Variants in ADCYAP1R1 observed in about 807,000 individuals in gnomAD.
The protein encoded by ADCYAP1R1 is pituitary adenylate cyclase-activating polypeptide type I receptor.
Under a neutral mutation model 67.6 loss-of-function variants are expected in ADCYAP1R1, and 44 were observed. The observed-to-expected ratio is 0.65, with a 90% CI of 0.51 to 0.84. The LOEUF is 0.84. Among genes scored for constraint, ADCYAP1R1 ranks in the 40% least tolerant of loss-of-function variants. ADCYAP1R1 has a pLI of 0.00. For missense variants in ADCYAP1R1, 477 were observed against 587.9 expected, an observed-to-expected ratio of 0.81 and a Z score of 1.95; for synonymous variants, 222 against 219.6, an observed-to-expected ratio of 1.01 and a Z score of -0.10.
In ADCYAP1R1 at chr7:31,098,939, C is replaced by T. The variant is rs370976354; in HGVS notation, c.1047-4298C>T. On this transcript the variant is annotated intron_variant, in intron 13 of 15. Transcript: ENST00000304166. ...TGACCAGCACCGGGAGACTCAGAGC[C>T]ATGTGGTACCTGAGGAGAGTTAGTG... 7.9e-4 allele frequency among the ~76,000 whole-genome samples: 120 copies of T among 152,320 alleles called. 1 individual carries two copies. Among genetic ancestry groups the T allele is most frequent in the African/African-American group, 2.7e-3 (113 of 41,574 alleles).
chr7:31,062,484 T>C (rs1794550772), intron 1 of ADCYAP1R1, among the ~76,000 whole-genome samples: 1 of 152,200 alleles, frequency 6.6e-6, no homozygotes, highest in African/African-American at 2.4e-5. Context: ...CAAAGAGGCC[T>C]TTTAAGGGGG....
chr7:31,092,874 G>C (rs1796023983), intron 13 of ADCYAP1R1, 139 bp downstream of exon 13: 2 of 638,520 alleles, frequency 3.1e-6, no homozygotes, highest in Admixed American at 3.0e-5. Context: ...TCTGATTAAA[G>C]AGCCTTTAAT....
intron 12 of ADCYAP1R1, among the ~76,000 whole-genome samples, chr7:31,092,329 TC>T (rs1320423323): frequency 6.6e-6 from 1 of 151,982 alleles, no homozygotes; most frequent in Non-Finnish European, 1.5e-5. Flanking sequence ...TTACTTTATC[TC>T]TTTTGGGCTG....
intron 1 of ADCYAP1R1, among the ~76,000 whole-genome samples, chr7:31,053,548 C>T (rs1371049910): frequency 6.6e-6 from 1 of 152,178 alleles, no homozygotes; most frequent in Non-Finnish European, 1.5e-5. Flanking sequence ...AGCCGGAAGC[C>T]GATTGCATTT....
intron 13 of ADCYAP1R1, among the ~76,000 whole-genome samples, chr7:31,098,539 T>C (rs922051714): frequency 6.6e-6 from 1 of 152,122 alleles, no homozygotes; most frequent in African/African-American, 2.4e-5. Flanking sequence ...TTGGTGTTGA[T>C]GGTCTGGGGA....
Position 31,086,611 on chromosome 7 carries a change from T to A in ADCYAP1R1, c.823+74T>A, listed in dbSNP as rs1795753079. The stretch of plus-strand genomic sequence containing the variant: ...GTGTCCAGGTGTGTCTTTGGTTCCA[T>A]CTTCAGGAAGTGTCAGGTGAGGAGG... On this transcript the variant is annotated intron_variant, in intron 10 of 15. Transcript: ENST00000304166. This position sits in a 1 kb window ranked among gnomAD's most constrained non-coding sequence, Gnocchi z 5.0. 1 of 1,573,620 alleles carries A rather than the reference T, an allele frequency of 6.4e-7. No homozygotes were observed. The highest frequency in any genetic ancestry group is 1.2e-5 in the South Asian group (1 of 86,222).
rs1794039620 is a variant in ADCYAP1R1, at chr7:31,052,310, C to T, written c.-440C>T. ...GCAGGGGGAGGCGGTGGTCGGTCGC[C>T]TCCCTCCAGCGCCCAGCCTGGCTTC... On this transcript the variant is annotated 5_prime_UTR_variant, in exon 1 of 16. Coordinates refer to ENST00000304166, the MANE Select transcript of ADCYAP1R1 (RefSeq NM_001118.5). Among the ~76,000 whole-genome samples the T allele has an allele frequency of 6.6e-6, 1 of 152,038 alleles. No homozygotes were observed.
Position 31,085,331 on chromosome 7 carries a change from C to T in ADCYAP1R1, c.558C>T (p.Asn186=). 1 of 1,614,020 alleles carries T rather than the reference C, an allele frequency of 6.2e-7. No individual in the cohort carries two copies. The highest frequency in any genetic ancestry group is 8.5e-7 in the Non-Finnish European group (1 of 1,179,994). ...CRFRKLHCTR[N]FIHMNLFVSF... ...GTAGGAAGCTGCACTGCACACGCAACTTCATCCACATGAACCTGTTTGTGT... is the reference window on the plus strand; with the variant it reads ...GTAGGAAGCTGCACTGCACACGCAATTTCATCCACATGAACCTGTTTGTGT... Residue 186 remains asparagine (N), a synonymous_variant, in exon 9 of 16, where the codon AAC becomes AAT. Transcript: ENST00000304166.
chr7:31,061,633 C>T (rs1041887660), intron 1 of ADCYAP1R1, among the ~76,000 whole-genome samples: 4 of 152,228 alleles, frequency 2.6e-5, no homozygotes, highest in Non-Finnish European at 5.9e-5. Context: ...CCCTCCCCAT[C>T]TCTGCATAAT....
At chr7:31,093,885 G>T (rs1202417326) in intron 13 of ADCYAP1R1, among the ~76,000 whole-genome samples, 3 of 152,038 alleles carry the variant, frequency 2.0e-5, no homozygotes, top group Non-Finnish European at 4.4e-5. Flanking sequence ...CCCTTCCTCA[G>T]CCATTCTCCT....
chr7:31,086,341 C>T lies in ADCYAP1R1; in HGVS notation c.670-43C>T. On this transcript the variant is annotated intron_variant, in intron 9 of 15. Transcript: ENST00000304166. The surrounding 1 kb of genome is among the most constrained non-coding windows in gnomAD (Gnocchi z 5.0). ...CCTAGGATTCTCCCTTGCTCCTGTT[C>T]CTGTTGGGCTCACGCCCCTCACCCT... 12 of 1,603,116 alleles carry T rather than the reference C, an allele frequency of 7.5e-6. No individual in the cohort carries two copies. Among genetic ancestry groups the T allele is most frequent in the Non-Finnish European group, 1.0e-5 (12 of 1,175,292 alleles).
At chr7:31,095,646 G>GT (rs1370793589) in intron 13 of ADCYAP1R1, 2 of 717,708 alleles carry the variant, frequency 2.8e-6, no homozygotes, top group Admixed American at 2.0e-5. Flanking sequence ...CAGCTCTCCG[G>GT]TTTTTTCCTC....
Position 31,086,461 on chromosome 7 carries a change from G to A in ADCYAP1R1, c.747G>A (p.Leu249=), listed in dbSNP as rs753673499. ...ACTTCTGGCTGTTCATCGAGGGCCT[G>A]TACCTCTTCACTCTGCTGGTGGAGA... ...SNYFWLFIEG[L]YLFTLLVETF... is the part of the protein sequence containing the mutation. Residue 249 remains leucine, a synonymous_variant, in exon 10 of 16, where the codon CTG becomes CTA. Coordinates refer to ENST00000304166, the MANE Select transcript of ADCYAP1R1 (RefSeq NM_001118.5). This position sits in a 1 kb window ranked among gnomAD's most constrained non-coding sequence, Gnocchi z 5.0. 1.2e-6 allele frequency: 2 copies of A among 1,614,230 alleles called. No individual in the cohort carries two copies. Among genetic ancestry groups the A allele is most frequent in the South Asian group, 2.2e-5 (2 of 91,074 alleles).
chr7:31,068,104 G>T (rs35626516), intron 3 of ADCYAP1R1, among the ~76,000 whole-genome samples: 5,283 of 152,284 alleles, frequency 0.035, 135 homozygotes, highest in Middle Eastern at 0.065. Context: ...CTGGGGAAGG[G>T]TGGAAAGGGA....
chr7:31,104,761 C>A, intron 14 of ADCYAP1R1, 107 bp from the exon 15 acceptor site: 3 of 1,282,308 alleles, frequency 2.3e-6, no homozygotes, highest in South Asian at 1.2e-5. Context: ...TGCCCCCATC[C>A]AGGTCATGGT....
At chr7:31,075,306 C>A (rs1264707988) in intron 3 of ADCYAP1R1, among the ~76,000 whole-genome samples, 1 of 152,148 alleles carries the variant, frequency 6.6e-6, no homozygotes, top group Non-Finnish European at 1.5e-5. Flanking sequence ...CACGTATGAA[C>A]TCATTAATCC....
intron 3 of ADCYAP1R1, among the ~76,000 whole-genome samples, chr7:31,076,777 C>CA (rs1795243773): frequency 6.6e-6 from 1 of 152,120 alleles, no homozygotes; most frequent in Admixed American, 6.5e-5. Flanking sequence ...AGCCTTAGAC[C>CA]AGCCTGTTCC....
At chr7:31,081,465 G>C (rs1749792717) in intron 5 of ADCYAP1R1, among the ~76,000 whole-genome samples, 1 of 152,150 alleles carries the variant, frequency 6.6e-6, no homozygotes, top group South Asian at 2.1e-4. Context: ...CATTACCTGT[G>C]GTGGTGGAGA....
intron 4 of ADCYAP1R1, among the ~76,000 whole-genome samples, chr7:31,078,776 C>T (rs368108315): frequency 6.6e-6 from 1 of 152,122 alleles, no homozygotes; most frequent in East Asian, 1.9e-4. Flanking sequence ...GGAGCTGGAC[C>T]TTGGGCTACC....
Sources: allele counts gnomAD v4.1 joint callset (sites outside exome capture counted in the v4.1 genomes callset), GRCh38; gene constraint gnomAD v4.1.1; non-coding constraint Gnocchi (gnomAD v3.1); transcripts MANE v1.5; gene names NCBI Gene and HGNC (gene_info 2026-07-23, HGNC 2026-07-21).